The following TRMT44 variants were observed in gnomAD, a reference collection of about 807,000 sequenced individuals.
TRMT44 encodes probable tRNA (uracil-O(2)-)-methyltransferase.
TRMT44 carries 78 observed loss-of-function variants against 77.3 expected under a neutral mutation model. That is an observed-to-expected ratio of 1.01 (90% CI 0.84 to 1.22). The LOEUF (loss-of-function observed/expected upper bound fraction) is 1.22, where lower values mean the gene tolerates loss of function less well. TRMT44 is among the 50% of genes most tolerant of loss of function. The pLI, the probability that TRMT44 is intolerant of heterozygous loss-of-function variation, is 0.00. For synonymous variants in TRMT44, 391 were observed against 383.3 expected (o/e 1.02, Z -0.23); for missense variants, 1,090 against 964.4 (o/e 1.13, Z -1.73).
the TRMT44 span, among the ~76,000 whole-genome samples, chr4:8,506,281 T>C: frequency 2.0e-5 from 3 of 152,216 alleles, no homozygotes; most frequent in African/African-American, 7.2e-5. Context: ...CTGACACTGC[T>C]GAGGGCGCTT....
the TRMT44 span, among the ~76,000 whole-genome samples, chr4:8,514,004 G>A: frequency 2.2e-3 from 338 of 152,272 alleles, 2 homozygotes; most frequent in African/African-American, 7.7e-3. Context: ...GCTGTGCCCA[G>A]GCATTCCCAC....
chr4:8,505,440 C>T, the TRMT44 span, among the ~76,000 whole-genome samples: 10 of 152,284 alleles, frequency 6.6e-5, no homozygotes, highest in African/African-American at 2.4e-4. Flanking sequence ...CTCTGCAGCC[C>T]GGGCATCCTA....
At chr4:8,467,514 C>G (rs1312200404) in intron 8 of TRMT44, among the ~76,000 whole-genome samples, 1 of 151,930 alleles carries the variant, frequency 6.6e-6, no homozygotes, top group Non-Finnish European at 1.5e-5. Context: ...GGAGTTTTTG[C>G]TCTTGTCACC....
rs561060788 is a variant in TRMT44, at chr4:8,446,428, C to T, written c.620-48C>T. The T allele has an allele frequency of 3.4e-5, 41 of 1,205,596 alleles. No homozygotes were observed. Among genetic ancestry groups the T allele is most frequent in the East Asian group, 1.8e-4 (7 of 39,348 alleles). 74.7% of individuals were successfully genotyped at this position (1,205,596 alleles called of 1,614,324 possible). On this transcript the variant is annotated intron_variant, in intron 1 of 10. Transcript: ENST00000389737. The surrounding 1 kb of genome is among the most constrained non-coding windows in gnomAD (Gnocchi z 4.3). Reference sequence around the variant, plus strand: ...ATTTTTAATACTGCTTCTGATGAGACGGTAGCTAGGCAGTTGTAATTTGTC... The same window carrying T: ...ATTTTTAATACTGCTTCTGATGAGATGGTAGCTAGGCAGTTGTAATTTGTC...
intron 6 of TRMT44, among the ~76,000 whole-genome samples, chr4:8,457,023 C>A (rs1052738070): frequency 4.2e-5 from 6 of 144,262 alleles, no homozygotes; most frequent in East Asian, 2.2e-4. Context: ...ACCCGCCCCC[C>A]CCCCCCAACT....
downstream of TRMT44, chr4:8,477,410 G>A (rs1256093701): frequency 6.6e-6 from 1 of 152,298 alleles, no homozygotes; most frequent in Non-Finnish European, 1.5e-5. Context: ...CTGGGAGACT[G>A]GCGCTCCGTG....
At chr4:8,448,147 C>T (rs567837186) in intron 2 of TRMT44, among the ~76,000 whole-genome samples, 11 of 152,294 alleles carry the variant, frequency 7.2e-5, no homozygotes, top group African/African-American at 2.4e-4. Flanking sequence ...CTCACCGGGC[C>T]GCTATTCCTT....
rs745915221 is a variant in TRMT44, at chr4:8,449,949, CTTTTT to C, written c.954+82_954+86del. On this transcript the variant is annotated intron_variant, in intron 3 of 10. Transcript: ENST00000389737. ...TCATGATTTTCTTTTCTTTTCTTTT[CTTTTT>C]TTTTTTTTTTTTTTTTTTTTGCGAC... The C allele has an allele frequency of 1.3e-3, 307 of 238,608 alleles. 1 individual carries two copies. The highest frequency in any genetic ancestry group is 3.0e-3 in the South Asian group (50 of 16,668). 14.8% of individuals were successfully genotyped at this position (238,608 alleles called of 1,614,324 possible).
chr4:8,509,602 G>A, the TRMT44 span: 1 of 152,788 alleles, frequency 6.5e-6, no homozygotes, highest in Admixed American at 6.5e-5. Context: ...TCTTGGCAGT[G>A]GTGTGTTTGT....
At chr4:8,456,534 C>A (rs1455748290) in intron 6 of TRMT44, among the ~76,000 whole-genome samples, 1 of 146,440 alleles carries the variant, frequency 6.8e-6, no homozygotes, top group African/African-American at 2.5e-5. Flanking sequence ...AGTGTAAGAA[C>A]TGTTGTTAAA....
At chr4:8,492,384 T>C (rs1278969403) in intron 2 of TRMT44, among the ~76,000 whole-genome samples, 1 of 152,192 alleles carries the variant, frequency 6.6e-6, no homozygotes, top group African/African-American at 2.4e-5. Context: ...TGAAACCGCC[T>C]CTGCAAAAAT....
chr4:8,501,320 G>C, the TRMT44 span, among the ~76,000 whole-genome samples: 1 of 152,184 alleles, frequency 6.6e-6, no homozygotes, highest in Non-Finnish European at 1.5e-5. This position sits in a 1 kb window ranked among gnomAD's most constrained non-coding sequence, Gnocchi z 4.4. Flanking sequence ...GGCCCCTGCA[G>C]TTCGAAGTCT....
the TRMT44 span, among the ~76,000 whole-genome samples, chr4:8,505,819 T>G: frequency 6.6e-6 from 1 of 152,142 alleles, no homozygotes; most frequent in African/African-American, 2.4e-5. Context: ...CCCATGCTGT[T>G]CTGGTGATAG....
intron 1 of TRMT44, among the ~76,000 whole-genome samples, chr4:8,443,138 C>T (rs1214364265): frequency 2.0e-5 from 3 of 152,106 alleles, no homozygotes; most frequent in Non-Finnish European, 2.9e-5. Context: ...TCTAGGTGTC[C>T]TCTCCTCCAG....
At chr4:8,509,564 G>C in the TRMT44 span, 1 of 152,822 alleles carries the variant, frequency 6.5e-6, no homozygotes, top group African/African-American at 2.4e-5. Flanking sequence ...CAGTGGCCCT[G>C]AAGGGGCCTG....
chr4:8,488,174 G>T (rs990211047), intron 2 of TRMT44, among the ~76,000 whole-genome samples: 2 of 152,202 alleles, frequency 1.3e-5, no homozygotes, highest in Non-Finnish European at 2.9e-5. Context: ...GAGGTCATAG[G>T]TGGACCTTTA....
chr4:8,470,648 C>T (rs766176188), intron 9 of TRMT44, among the ~76,000 whole-genome samples: 4 of 152,146 alleles, frequency 2.6e-5, no homozygotes, highest in Non-Finnish European at 4.4e-5. Context: ...GAGCCGGTAG[C>T]GCCAGGCTGG....
the TRMT44 span, among the ~76,000 whole-genome samples, chr4:8,513,079 G>A: frequency 6.6e-6 from 1 of 152,172 alleles, no homozygotes; most frequent in South Asian, 2.1e-4. Flanking sequence ...ACCACACCCA[G>A]ATAATTTTTG....
At chr4:8,483,783 T>C (rs913013450) in intron 2 of TRMT44, among the ~76,000 whole-genome samples, 1 of 152,214 alleles carries the variant, frequency 6.6e-6, no homozygotes, top group Non-Finnish European at 1.5e-5. Context: ...TGAGGAATTG[T>C]GTCTGACAGA....
Sources: gnomAD v4.1 joint callset for allele counts (sites outside exome capture counted in the v4.1 genomes callset) on GRCh38, gnomAD v4.1.1 for gene constraint, Gnocchi (gnomAD v3.1) non-coding constraint, MANE v1.5 for transcripts, NCBI Gene and HGNC (gene_info 2026-07-23, HGNC 2026-07-21) for gene names.